TENM3: variants seen among roughly 807,000 people sequenced by gnomAD.
TENM3 encodes the protein teneurin-3.
A neutral mutation model predicts 255.1 loss-of-function variants in TENM3; 63 were observed. That is an observed-to-expected ratio of 0.25 (90% CI 0.20 to 0.30). TENM3 has a LOEUF of 0.30. Ranked by LOEUF, TENM3 falls within the 10% of genes least tolerant of loss-of-function variation. TENM3 has a pLI of 1.00. For synonymous variants in TENM3, 1,306 were observed against 1,322.3 expected, an observed-to-expected ratio of 0.99 and a Z score of 0.27; for missense variants, 2,929 against 3,461.1, an observed-to-expected ratio of 0.85 and a Z score of 3.86.
intron 13 of TENM3, 113 bp downstream of exon 13, chr4:182,714,346 C>A: frequency 1.2e-6 from 1 of 827,078 alleles, no homozygotes; most frequent in Non-Finnish European, 1.8e-6. Context: ...AAAACCTGAT[C>A]CCCATCGATT....
chr4:181,618,822 A>G, the TENM3 span, among the ~76,000 whole-genome samples: 3 of 152,214 alleles, frequency 2.0e-5, no homozygotes, highest in African/African-American at 7.2e-5. Context: ...TCTGGAAAAT[A>G]GGGAGAAAAG....
At chr4:182,132,084 T>C in the TENM3 span, among the ~76,000 whole-genome samples, 1 of 152,234 alleles carries the variant, frequency 6.6e-6, no homozygotes. Context: ...ACCACCCTTC[T>C]GGAGCTGAAA....
the TENM3 span, among the ~76,000 whole-genome samples, chr4:181,816,876 T>A: frequency 2.5e-3 from 382 of 152,320 alleles, 2 homozygotes; most frequent in Non-Finnish European, 4.5e-3. Context: ...GAATACTTTT[T>A]GGGGGACAAA....
chr4:182,463,312 C>T lies in TENM3; in HGVS notation c.511+116383C>T, dbSNP rs77023822. Reference sequence around the variant, plus strand: ...TGTGAGATCACCTTGAAATAAGATACCACGTAATGAGAACTATTGTGTGAA... The same window carrying T: ...TGTGAGATCACCTTGAAATAAGATATCACGTAATGAGAACTATTGTGTGAA... On this transcript the variant is annotated intron_variant, in intron 3 of 27. Transcript: ENST00000511685. 7.8e-3 allele frequency among the ~76,000 whole-genome samples: 1,179 copies of T among 152,038 alleles called. 8 individuals are homozygous for T. The highest frequency in any genetic ancestry group is 0.027 in the African/African-American group (1,102 of 41,474).
the TENM3 span, among the ~76,000 whole-genome samples, chr4:181,823,697 G>A: frequency 6.6e-6 from 1 of 152,106 alleles, no homozygotes; most frequent in Non-Finnish European, 1.5e-5. Flanking sequence ...GTAACCCCTG[G>A]GGAAAATATT....
the TENM3 span, among the ~76,000 whole-genome samples, chr4:181,453,263 A>T: frequency 6.6e-6 from 1 of 152,194 alleles, no homozygotes; most frequent in Non-Finnish European, 1.5e-5. Flanking sequence ...AAAGGTCCTG[A>T]TGGAGTCGAA....
intron 1 of TENM3, among the ~76,000 whole-genome samples, chr4:182,209,846 G>GCT (rs929619642): frequency 2.6e-5 from 4 of 151,918 alleles, no homozygotes; most frequent in African/African-American, 9.7e-5. Context: ...TCCAAGACTG[G>GCT]CTCTCTCTCT....
the TENM3 span, among the ~76,000 whole-genome samples, chr4:181,644,099 A>G: frequency 7.0e-3 from 1,057 of 151,424 alleles, 14 homozygotes; most frequent in African/African-American, 0.024. Flanking sequence ...AAAAAAGTCA[A>G]GGGTGAGCAA....
At chr4:182,627,778 T>C (rs1311258105) in intron 4 of TENM3, among the ~76,000 whole-genome samples, 1 of 152,162 alleles carries the variant, frequency 6.6e-6, no homozygotes. Flanking sequence ...TTAGTTACCT[T>C]TCCTGAAGAA....
intron 1 of TENM3, among the ~76,000 whole-genome samples, chr4:182,259,901 C>T (rs1426291693): frequency 6.6e-6 from 1 of 152,116 alleles, no homozygotes; most frequent in Non-Finnish European, 1.5e-5. Context: ...ATCATCCTCT[C>T]TTCATCTTCC....
intron 1 of TENM3, among the ~76,000 whole-genome samples, chr4:182,301,946 C>T (rs924576211): frequency 6.6e-5 from 10 of 152,136 alleles, no homozygotes; most frequent in African/African-American, 1.4e-4. Context: ...GGGACACGCT[C>T]GGGTGCCTTC....
At chr4:181,630,341 A>G in the TENM3 span, among the ~76,000 whole-genome samples, 1 of 151,742 alleles carries the variant, frequency 6.6e-6, no homozygotes, top group African/African-American at 2.4e-5. Context: ...TATCTCCTTC[A>G]GTTCTTCTCT....
chr4:182,350,818 G>A (rs1765118167), intron 3 of TENM3, among the ~76,000 whole-genome samples: 1 of 152,118 alleles, frequency 6.6e-6, no homozygotes, highest in Non-Finnish European at 1.5e-5. Flanking sequence ...CTGAGTAGCT[G>A]GGATTACAGG....
At position 182,758,872 on chromosome 4, in the gene TENM3, C is replaced by T. The variant is rs77671067; in HGVS notation, c.4892+3613C>T. Among the ~76,000 whole-genome samples the T allele has an allele frequency of 3.4e-3, 519 of 152,316 alleles. 1 individual carries two copies. Among genetic ancestry groups the T allele is most frequent in the Non-Finnish European group, 4.8e-3 (326 of 68,030 alleles). ...GAGCTCTGATAACAGGCTCTATAATCATCTTCCTGCACAAATACCTCGCAC... is the reference window on the plus strand; with the variant it reads ...GAGCTCTGATAACAGGCTCTATAATTATCTTCCTGCACAAATACCTCGCAC... On this transcript the variant is annotated intron_variant, in intron 22 of 27. Coordinates refer to ENST00000511685, the MANE Select transcript of TENM3 (RefSeq NM_001080477.4).
At chr4:182,444,222 T>C (rs1333312370) in intron 3 of TENM3, among the ~76,000 whole-genome samples, 2 of 152,224 alleles carry the variant, frequency 1.3e-5, no homozygotes, top group East Asian at 3.9e-4. Flanking sequence ...ATTTTAAATA[T>C]AGTTTTATGT....
chr4:181,941,566 G>T, the TENM3 span, among the ~76,000 whole-genome samples: 1 of 151,914 alleles, frequency 6.6e-6, no homozygotes, highest in African/African-American at 2.4e-5. Flanking sequence ...TTGTTTTATC[G>T]CTTTAGTTAT....
At chr4:182,457,997 C>G (rs1027406055) in intron 3 of TENM3, among the ~76,000 whole-genome samples, 1 of 152,218 alleles carries the variant, frequency 6.6e-6, no homozygotes, top group African/African-American at 2.4e-5. Context: ...CAGTCTATAA[C>G]TTTTCATAAA....
chr4:182,556,404 A>G (rs867495271), intron 3 of TENM3, among the ~76,000 whole-genome samples: 4 of 152,332 alleles, frequency 2.6e-5, no homozygotes, highest in Middle Eastern at 6.8e-3. Context: ...CAGACCATTC[A>G]GGCATAGTTT....
the TENM3 span, among the ~76,000 whole-genome samples, chr4:181,847,056 G>A: frequency 3.9e-5 from 6 of 152,202 alleles, no homozygotes; most frequent in Admixed American, 1.3e-4. Context: ...TGACCTTACT[G>A]TCCTGCAGTG....
Sources: gnomAD v4.1 joint callset for allele counts (sites outside exome capture counted in the v4.1 genomes callset) on GRCh38, gnomAD v4.1.1 for gene constraint, MANE v1.5 for transcripts, NCBI Gene and HGNC (gene_info 2026-07-23, HGNC 2026-07-21) for gene names.